The following SLC27A1 variants were observed in gnomAD, a reference collection of about 807,000 sequenced individuals.
SLC27A1 encodes the protein long-chain fatty acid transport protein 1.
SLC27A1 carries 61 observed loss-of-function variants against 62.2 expected under a neutral mutation model. The observed-to-expected ratio is 0.98, with a 90% confidence interval of 0.80 to 1.21. SLC27A1 has a LOEUF of 1.21. Among genes scored for constraint, SLC27A1 ranks in the 50% most tolerant of loss-of-function variants. The pLI, the probability that SLC27A1 is intolerant of heterozygous loss-of-function variation, is 0.00. For missense variants in SLC27A1, 903 were observed against 932.1 expected (o/e 0.97, Z 0.41); for synonymous variants, 435 against 408.6 (o/e 1.06, Z -0.78).
intron 1 of SLC27A1, among the ~76,000 whole-genome samples, chr19:17,473,889 A>G (rs376734367): frequency 1.3e-5 from 2 of 152,050 alleles, no homozygotes; most frequent in African/African-American, 4.8e-5. Flanking sequence ...CAAAACAAAG[A>G]TTTAACTCAT....
chr19:17,481,349 A>G (rs1279074051), intron 1 of SLC27A1, among the ~76,000 whole-genome samples: 13 of 133,182 alleles, frequency 9.8e-5, no homozygotes, highest in African/African-American at 3.4e-4. Flanking sequence ...CAGAGTCTCA[A>G]TCTGTCACCC....
intron 1 of SLC27A1, among the ~76,000 whole-genome samples, chr19:17,482,157 AC>A (rs2075184559): frequency 6.6e-6 from 1 of 152,122 alleles, no homozygotes; most frequent in African/African-American, 2.4e-5. Context: ...TGCCCTGTCT[AC>A]CCAGTATAGG....
At position 17,487,307 on chromosome 19, in the gene SLC27A1, GGCACAGATCCCCA is replaced by G; in HGVS notation, c.700_712del (p.Gln234ArgfsTer72). 1 of 1,612,810 alleles carries G rather than the reference GGCACAGATCCCCA, an allele frequency of 6.2e-7. No homozygotes were observed. The highest frequency in any genetic ancestry group is 8.5e-7 in the Non-Finnish European group (1 of 1,179,576). On this transcript the variant is annotated frameshift_variant, in exon 3 of 12. Coordinates refer to ENST00000252595, the MANE Select transcript of SLC27A1 (RefSeq NM_198580.3). LOFTEE classifies it high-confidence loss of function. ...TGAAGGAGGCCTCTACTGCCCCCTT[GGCACAGATCCCCA>G]GCAAGGGCATGGACGGTGAGTCAAG...
intron 11 of SLC27A1, among the ~76,000 whole-genome samples, chr19:17,502,274 A>G (rs1453756936): frequency 7.8e-6 from 1 of 127,844 alleles, no homozygotes; most frequent in East Asian, 2.2e-4. Flanking sequence ...CTGCTGTTTT[A>G]TTTTAGTAGT....
At chr19:17,499,184 G>T in intron 7 of SLC27A1, 3 of 211,020 alleles carry the variant, frequency 1.4e-5, no homozygotes, top group South Asian at 1.2e-4. Context: ...TAAGGCTACC[G>T]CTAGACTAGA....
At chr19:17,478,466 C>CAAA (rs869214050) in intron 1 of SLC27A1, among the ~76,000 whole-genome samples, 8 of 48,330 alleles carry the variant, frequency 1.7e-4, no homozygotes, top group African/African-American at 3.2e-4. Flanking sequence ...GACTCCGTCT[C>CAAA]AAAAAAAAAA....
chr19:17,493,628 C>CT (rs773482808), intron 6 of SLC27A1, among the ~76,000 whole-genome samples: 8,545 of 143,580 alleles, frequency 0.06, 330 homozygotes, highest in Non-Finnish European at 0.086. Flanking sequence ...TAGAACCTTA[C>CT]TTTTTTTTTT....
At chr19:17,503,994 A>G (rs1206584093) in intron 11 of SLC27A1, among the ~76,000 whole-genome samples, 2 of 148,616 alleles carry the variant, frequency 1.3e-5, no homozygotes, top group African/African-American at 4.9e-5. Flanking sequence ...TATGTTGCCC[A>G]GGCTGGTCTT....
At chr19:17,494,394 C>CT (rs2075327138) in intron 6 of SLC27A1, among the ~76,000 whole-genome samples, 1 of 151,126 alleles carries the variant, frequency 6.6e-6, no homozygotes, top group Admixed American at 6.6e-5. Context: ...GTGGTGCGAT[C>CT]TCAGTTCACT....
At position 17,478,084 on chromosome 19, in the gene SLC27A1, A is replaced by G. The variant is rs185516837; in HGVS notation, c.167+7377A>G. Among the ~76,000 whole-genome samples the G allele has an allele frequency of 7.0e-3, 1,064 of 152,182 alleles. 10 individuals carry two copies. Among genetic ancestry groups the G allele is most frequent in the Non-Finnish European group, 0.011 (763 of 68,002 alleles). On this transcript the variant is annotated intron_variant, in intron 1 of 11. Transcript: ENST00000252595. Reference sequence around the variant, plus strand: ...CCTGAAGAAAGCTGCTGTAACACACATATTTTCTCCATGAGGCACATCACA... The same window carrying G: ...CCTGAAGAAAGCTGCTGTAACACACGTATTTTCTCCATGAGGCACATCACA...
chr19:17,487,143 G>A (rs1016926843), intron 2 of SLC27A1, 31 bp from the exon 3 acceptor site: 26 of 1,613,496 alleles, frequency 1.6e-5, no homozygotes, highest in Non-Finnish European at 2.1e-5. Flanking sequence ...CTGTCCGGCG[G>A]TGACCATGAC....
chr19:17,494,239 G>T (rs2075325309), intron 6 of SLC27A1, among the ~76,000 whole-genome samples: 1 of 151,600 alleles, frequency 6.6e-6, no homozygotes, highest in South Asian at 2.1e-4. Context: ...TAGCCAGGAT[G>T]GTCTCGATCT....
intron 7 of SLC27A1, chr19:17,499,009 C>G (rs533323596): frequency 3.4e-4 from 53 of 154,680 alleles, no homozygotes; most frequent in African/African-American, 1.3e-3. Flanking sequence ...CACTGAAGCA[C>G]AGCATCACAG....
In SLC27A1 at chr19:17,494,020, C is replaced by CTT. The variant is rs35491603; in HGVS notation, c.997-3220_997-3219dup. Among the ~76,000 whole-genome samples, 480 of 135,766 alleles carry CTT rather than the reference C, an allele frequency of 3.5e-3. 7 individuals are homozygous for CTT. The highest frequency in any genetic ancestry group is 0.011 in the African/African-American group (415 of 36,838). The allele number at this position is 135,766 out of a possible 152,430, so 89.1% of individuals were successfully genotyped here. ...CATGCCCAGCCCCAGGTAGCTGTTTCTTTTTTTTTTTTTTTTGAGACGGAG... is the reference window on the plus strand; with the variant it reads ...CATGCCCAGCCCCAGGTAGCTGTTTCTTTTTTTTTTTTTTTTTTGAGACGGAG... On this transcript the variant is annotated intron_variant, in intron 6 of 11. Transcript: ENST00000252595.
chr19:17,481,738 A>G (rs2075180616), intron 1 of SLC27A1, among the ~76,000 whole-genome samples: 1 of 152,102 alleles, frequency 6.6e-6, no homozygotes, highest in Non-Finnish European at 1.5e-5. Context: ...GCTGGGCTCA[A>G]GCAATCCTCC....
Position 17,474,650 on chromosome 19 carries a change from G to A in SLC27A1, c.167+3943G>A, listed in dbSNP as rs575376144. 1.8e-3 allele frequency among the ~76,000 whole-genome samples: 250 copies of A among 136,114 alleles called. 1 individual carries two copies. The highest frequency in any genetic ancestry group is 3.3e-3 in the Non-Finnish European group (211 of 63,584). The allele number at this position is 136,114 out of a possible 152,430, so 89.3% of individuals were successfully genotyped here. On this transcript the variant is annotated intron_variant, in intron 1 of 11. Coordinates refer to ENST00000252595, the MANE Select transcript of SLC27A1 (RefSeq NM_198580.3). ...TTCTTTTTTTTTTTTTTTTTTTTGA[G>A]ATGGGAGTTTCGCTTTGTCACCCAG... is the stretch of plus-strand genomic sequence containing the variant.
chr19:17,486,855 G>A lies in SLC27A1; in HGVS notation c.460G>A (p.Glu154Lys), dbSNP rs1357540430. The A allele has an allele frequency of 6.3e-7, 1 of 1,585,828 alleles. No individual in the cohort carries two copies. The highest frequency in any genetic ancestry group is 2.3e-5 in the East Asian group (1 of 44,080). Residue 154 changes from glutamate to lysine, a missense_variant, in exon 2 of 12, where the codon GAG becomes AAG. By Grantham distance (56) the Glu-to-Lys change is moderately conservative (BLOSUM62 1). Transcript: ENST00000252595. This position sits in a 1 kb window ranked among gnomAD's most constrained non-coding sequence, Gnocchi z 6.6. The stretch of plus-strand genomic sequence containing the variant: ...GCTGGGCCTGGCCAAGGCGGGCATG[G>A]AGGCCGCGCTGCTCAACGTGAACCT... The part of the protein sequence containing the change: ...LWLGLAKAGM[E>K]AALLNVNLRR...
intron 6 of SLC27A1, among the ~76,000 whole-genome samples, 163 bp downstream of exon 6, chr19:17,489,280 G>C (rs935533810): frequency 6.6e-6 from 1 of 151,856 alleles, no homozygotes; most frequent in East Asian, 1.9e-4. Flanking sequence ...CCCGCCCCCC[G>C]ACCAGGCTCT....
chr19:17,497,182 G>A (rs1599668605), intron 6 of SLC27A1, 73 bp from the exon 7 acceptor site: 5 of 1,298,102 alleles, frequency 3.9e-6, no homozygotes, highest in Middle Eastern at 3.7e-4. Context: ...GGGCGGTCTC[G>A]GGGTCTCTCC....
Sources: gnomAD v4.1 joint callset for allele counts (sites outside exome capture counted in the v4.1 genomes callset) on GRCh38, gnomAD v4.1.1 for gene constraint, Gnocchi (gnomAD v3.1) non-coding constraint, MANE v1.5 for transcripts, NCBI Gene and HGNC (gene_info 2026-07-23, HGNC 2026-07-21) for gene names.